DSCAML1: variants seen among roughly 807,000 people sequenced by gnomAD.
The protein encoded by DSCAML1 is DS cell adhesion molecule like 1, also known as cell adhesion molecule DSCAML1.
In DSCAML1, 38 loss-of-function variants were observed where a neutral mutation model predicts 200.5. The observed-to-expected ratio is 0.19, with a 90% CI of 0.15 to 0.25. DSCAML1 has a LOEUF of 0.25. Ranked by LOEUF, DSCAML1 falls within the 10% of genes least tolerant of loss-of-function variation. The pLI, the probability that DSCAML1 is intolerant of heterozygous loss-of-function variation, is 1.00. For missense variants in DSCAML1, 2,223 were observed against 2,858.8 expected, an observed-to-expected ratio of 0.78 and a Z score of 5.07; for synonymous variants, 1,215 against 1,165.0, an observed-to-expected ratio of 1.04 and a Z score of -0.87.
chr11:117,716,281 A>C (rs1267350369), intron 3 of DSCAML1, among the ~76,000 whole-genome samples: 1 of 152,232 alleles, frequency 6.6e-6, no homozygotes, highest in African/African-American at 2.4e-5. Context: ...CCGTGTTGTT[A>C]ACCAGCTGAA....
At chr11:117,614,981 G>A (rs1272692879) in intron 3 of DSCAML1, among the ~76,000 whole-genome samples, 41 of 152,174 alleles carry the variant, frequency 2.7e-4, no homozygotes, top group Non-Finnish European at 8.8e-5. Flanking sequence ...TAGATAATCA[G>A]AGGGCACAGT....
At chr11:117,482,579 G>T (rs7942824) in intron 11 of DSCAML1, among the ~76,000 whole-genome samples, 39,008 of 151,988 alleles carry the variant, frequency 0.26, 5,325 homozygotes, top group South Asian at 0.47. Context: ...TCGTATAATT[G>T]CTGTCTTATA....
intron 3 of DSCAML1, among the ~76,000 whole-genome samples, chr11:117,739,285 C>G (rs932840793): frequency 4.6e-5 from 7 of 152,268 alleles, no homozygotes; most frequent in African/African-American, 1.7e-4. Flanking sequence ...GAAGGAGGGC[C>G]TGGCCCAGTA....
At chr11:117,475,837 C>T (rs1465109159) in intron 14 of DSCAML1, among the ~76,000 whole-genome samples, 1 of 152,054 alleles carries the variant, frequency 6.6e-6, no homozygotes, top group Non-Finnish European at 1.5e-5. Context: ...GTGGATTTGA[C>T]CTTGTGTTCC....
Position 117,481,080 on chromosome 11 carries a change from G to A in DSCAML1, c.2656+94C>T, listed in dbSNP as rs993625171. ...GTTTCCTGTCATCCTCCACCATGGC[G>A]TAGGCTGTGGCCCCTGCTCTTTGAG... On this transcript the variant is annotated intron_variant, in intron 13 of 32. Transcript: ENST00000651296. 29 of 1,215,502 alleles carry A rather than the reference G, an allele frequency of 2.4e-5. 1 individual carries two copies. Among genetic ancestry groups the A allele is most frequent in the Admixed American group, 1.4e-4 (8 of 56,062 alleles). 75.3% of individuals were successfully genotyped at this position (1,215,502 alleles called of 1,614,324 possible).
chr11:117,438,059 TCCA>T lies in DSCAML1; in HGVS notation c.4265_4267del (p.Val1422del), dbSNP rs755740141. On this transcript the variant is annotated inframe_deletion, in exon 25 of 33. Transcript: ENST00000651296. Reference sequence around the variant, plus strand: ...CACATCCTTCCACTCCTCGCTGTTGTCCACCGAGTACTGTAGCACGAAGCCTGC... The same window carrying T: ...CACATCCTTCCACTCCTCGCTGTTGTCCGAGTACTGTAGCACGAAGCCTGC... 6.2e-7 allele frequency: 1 copy of T among 1,613,786 alleles called. No homozygotes were observed. Among genetic ancestry groups the T allele is most frequent in the African/African-American group, 1.3e-5 (1 of 75,030 alleles).
intron 2 of DSCAML1, 53 bp from the exon 3 acceptor site, chr11:117,776,990 G>A (rs1204036549): frequency 6.3e-7 from 1 of 1,597,908 alleles, no homozygotes; most frequent in Non-Finnish European, 8.6e-7. Flanking sequence ...GATGTGGTGA[G>A]GGTCCCCAGA....
intron 3 of DSCAML1, among the ~76,000 whole-genome samples, chr11:117,725,783 C>G (rs1009200131): frequency 1.3e-5 from 2 of 151,376 alleles, no homozygotes; most frequent in African/African-American, 4.9e-5. Flanking sequence ...GCAGAGGAAA[C>G]AGGCCATGGT....
chr11:117,449,780 T>A (rs992797000), intron 20 of DSCAML1, among the ~76,000 whole-genome samples: 3 of 152,174 alleles, frequency 2.0e-5, no homozygotes, highest in Non-Finnish European at 2.9e-5. Flanking sequence ...ACAGGCATTC[T>A]CTATAGTAGT....
At chr11:117,769,153 TTA>T (rs1765643396) in intron 3 of DSCAML1, among the ~76,000 whole-genome samples, 1 of 39,640 alleles carries the variant, frequency 2.5e-5, no homozygotes, top group Non-Finnish European at 5.0e-5. Context: ...TATATATATT[TTA>T]TATATATTAT....
At chr11:117,445,609 A>T (rs1360125072) in intron 20 of DSCAML1, among the ~76,000 whole-genome samples, 2 of 152,214 alleles carry the variant, frequency 1.3e-5, no homozygotes, top group African/African-American at 4.8e-5. Flanking sequence ...AGGGGTGTGC[A>T]CGTCCTTTGT....
intron 3 of DSCAML1, 116 bp from the exon 4 acceptor site, chr11:117,532,638 A>G: frequency 9.4e-7 from 1 of 1,062,546 alleles, no homozygotes; most frequent in South Asian, 1.6e-5. Flanking sequence ...ACAAATAGAA[A>G]TGGTAGTAAT....
At chr11:117,772,436 C>T (rs764043062) in intron 3 of DSCAML1, among the ~76,000 whole-genome samples, 5 of 152,162 alleles carry the variant, frequency 3.3e-5, no homozygotes, top group African/African-American at 7.2e-5. Context: ...TGGCAAGGCA[C>T]GGTGACAACT....
At chr11:117,604,439 C>T (rs886097197) in intron 3 of DSCAML1, among the ~76,000 whole-genome samples, 6 of 152,142 alleles carry the variant, frequency 3.9e-5, no homozygotes, top group Admixed American at 6.5e-5. Flanking sequence ...CCTCCCTCTC[C>T]ACCGAGGCCT....
rs184958708 is a variant in DSCAML1, at chr11:117,732,885, C to T, written c.511+43906G>A. 2.2e-4 allele frequency among the ~76,000 whole-genome samples: 33 copies of T among 152,068 alleles called. 1 individual carries two copies. Among genetic ancestry groups the T allele is most frequent in the Admixed American group, 1.7e-3 (26 of 15,272 alleles). On this transcript the variant is annotated intron_variant, in intron 3 of 32. Transcript: ENST00000651296. ...ACTTTCTTTTTCCAGATCCTACGAACGTCGGTATGATAATAACAAAAAAAA... is the reference window on the plus strand; with the variant it reads ...ACTTTCTTTTTCCAGATCCTACGAATGTCGGTATGATAATAACAAAAAAAA...
chr11:117,484,982 C>T lies in DSCAML1; in HGVS notation c.2360-2820G>A, dbSNP rs2049014417. On this transcript the variant is annotated intron_variant, in intron 11 of 32. Coordinates refer to ENST00000651296, the MANE Select transcript of DSCAML1 (RefSeq NM_020693.4). ...GGGTCTTTCTTTGGTAGGAGGACTT[C>T]ACAGTTCTGCAGCACACCTCTGTTC... 2.7e-5 allele frequency among the ~76,000 whole-genome samples: 4 copies of T among 150,426 alleles called. No homozygotes were observed. In the South Asian group the frequency reaches 8.4e-4, roughly 32 times the overall value.
intron 1 of DSCAML1, among the ~76,000 whole-genome samples, chr11:117,792,336 C>G (rs1358961515): frequency 1.3e-5 from 2 of 152,060 alleles, no homozygotes; most frequent in Non-Finnish European, 2.9e-5. Flanking sequence ...CAGACAAAAC[C>G]ATTCCCGAGG....
In DSCAML1 at chr11:117,676,162, A is replaced by G. The variant is rs572365773; in HGVS notation, c.511+100629T>C. On this transcript the variant is annotated intron_variant, in intron 3 of 32. Transcript: ENST00000651296. ...AATTGGCAGAAAAAAAATCATTGCT[A>G]GTTTTGATTACAAAAAAAAAAAGCA... is the stretch of plus-strand genomic sequence containing the variant. Among the ~76,000 whole-genome samples the G allele has an allele frequency of 2.9e-5, 4 of 135,664 alleles. No individual in the cohort carries two copies. The South Asian group carries it at 7.5e-4, about 25-fold the overall frequency. 89.0% of individuals were successfully genotyped at this position (135,664 alleles called of 152,430 possible).
chr11:117,757,037 A>G (rs538638290), intron 3 of DSCAML1, among the ~76,000 whole-genome samples: 13 of 152,288 alleles, frequency 8.5e-5, no homozygotes, highest in African/African-American at 2.9e-4. Flanking sequence ...AGAAGGAAAC[A>G]TCTGTGGAAG....
Sources: gnomAD v4.1 joint callset for allele counts (sites outside exome capture counted in the v4.1 genomes callset) on GRCh38, gnomAD v4.1.1 for gene constraint, MANE v1.5 for transcripts, NCBI Gene and HGNC (gene_info 2026-07-23, HGNC 2026-07-21) for gene names.